Variants in IRAG2 observed in about 807,000 individuals in gnomAD.
IRAG2 encodes lymphoid restricted membrane protein.
A neutral mutation model predicts 69.9 loss-of-function variants in IRAG2; 45 were observed. The observed-to-expected ratio is 0.64, with a 90% CI of 0.51 to 0.83. The LOEUF (loss-of-function observed/expected upper bound fraction) is 0.83, where lower values mean the gene tolerates loss of function less well. IRAG2 is among the 40% of genes least tolerant of loss of function. IRAG2 has a pLI of 0.00. For synonymous variants in IRAG2, 193 were observed against 202.4 expected (o/e 0.95, Z 0.40); for missense variants, 520 against 587.0 (o/e 0.89, Z 1.18).
intron 15 of IRAG2, among the ~76,000 whole-genome samples, chr12:25,098,087 G>C (rs1948530129): frequency 6.6e-6 from 1 of 152,118 alleles, no homozygotes; most frequent in African/African-American, 2.4e-5. Context: ...GTTAAACATA[G>C]TTTTCACTAC....
Position 25,026,895 on chromosome 12 carries a change from AT to A in IRAG2, c.1461+37del, listed in dbSNP as rs535069834. ...AGCACTTCCCAAATACTGGTAAAATATTTTTTTTCTGTCAAACCAGTATTAT... is the reference window on the plus strand; with the variant it reads ...AGCACTTCCCAAATACTGGTAAAATATTTTTTTCTGTCAAACCAGTATTAT... On this transcript the variant is annotated intron_variant, in intron 9 of 38. Coordinates refer to the IRAG2 transcript ENST00000636465. The A allele has an allele frequency of 1.3e-3, 1,489 of 1,106,578 alleles. 18 individuals are homozygous for A. The African/African-American group carries it at 0.021, about 15-fold the overall frequency. The allele number at this position is 1,106,578 out of a possible 1,614,324, so 68.5% of individuals were successfully genotyped here. A position where few individuals can be genotyped will look rare whatever the true frequency, so the allele number is the denominator to read the frequency against.
intron 9 of IRAG2, among the ~76,000 whole-genome samples, chr12:25,081,775 AACAT>A (rs1246880827): frequency 4.6e-5 from 7 of 152,250 alleles, no homozygotes; most frequent in Non-Finnish European, 1.0e-4. Context: ...GCAGGCATAA[AACAT>A]AAATAAGGAG....
chr12:25,061,664 TCTGATATGTGTTCAGTTA>T lies in IRAG2; in HGVS notation c.-385+15_-385+32del, dbSNP rs1945646459. Reference sequence around the variant, plus strand: ...GGCTTGCTGTTTCAGGTAAAATATCTCTGATATGTGTTCAGTTACTGTGGAGGAAGTTGTTCAATTCAT... The same window carrying T: ...GGCTTGCTGTTTCAGGTAAAATATCTCTGTGGAGGAAGTTGTTCAATTCAT... On this transcript the variant is annotated intron_variant, in intron 2 of 21. Coordinates refer to ENST00000556887, the MANE Select transcript of IRAG2 (RefSeq NM_001366544.2). 2.5e-6 allele frequency: 1 copy of T among 398,602 alleles called. No homozygotes were observed. The highest frequency in any genetic ancestry group is 2.1e-5 in the African/African-American group (1 of 48,774). The allele number at this position is 398,602 out of a possible 1,614,324, so 24.7% of individuals were successfully genotyped here.
At chr12:25,106,735 AG>A (rs1437505512) in intron 20 of IRAG2, among the ~76,000 whole-genome samples, 1 of 91,254 alleles carries the variant, frequency 1.1e-5, no homozygotes, top group African/African-American at 3.7e-5. Flanking sequence ...TCTAAATAGA[AG>A]AACTTATTTT....
chr12:25,065,637 G>T (rs1272288588), intron 4 of IRAG2, among the ~76,000 whole-genome samples: 1 of 152,196 alleles, frequency 6.6e-6, no homozygotes, highest in Non-Finnish European at 1.5e-5. Context: ...CACACAAACA[G>T]CCATGGACAA....
intron 15 of IRAG2, among the ~76,000 whole-genome samples, chr12:25,037,572 T>G (rs927285745): frequency 1.3e-5 from 2 of 152,356 alleles, no homozygotes; most frequent in African/African-American, 4.8e-5. Context: ...GTGCTGGGAT[T>G]ACAGTCAATC....
At chr12:25,072,100 G>T (rs1946376712) in intron 6 of IRAG2, among the ~76,000 whole-genome samples, 1 of 152,184 alleles carries the variant, frequency 6.6e-6, no homozygotes, top group South Asian at 2.1e-4. Flanking sequence ...AGCTCCTTGG[G>T]AGGCTGAGGC....
intron 1 of IRAG2, among the ~76,000 whole-genome samples, chr12:25,053,821 TTAAGGTAGGCTAGAG>T: frequency 6.6e-6 from 1 of 151,256 alleles, no homozygotes; most frequent in East Asian, 1.9e-4. Flanking sequence ...ATATATAAGC[TTAAGGTAGGCTAGAG>T]ATGAAAAATT....
Position 25,107,984 on chromosome 12 carries a change from A to G in IRAG2, c.1424A>G (p.Glu475Gly). 4 of 1,614,148 alleles carry G rather than the reference A, an allele frequency of 2.5e-6. No homozygotes were observed. Among genetic ancestry groups the G allele is most frequent in the Non-Finnish European group, 3.4e-6 (4 of 1,179,976 alleles). The change falls in exon 22 of 22, where the codon GAG becomes GGG. Residue 475 changes from glutamate (E) to glycine (G), a missense_variant. Glu to Gly is a moderately conservative substitution (Grantham distance 98). Coordinates refer to ENST00000556887, the MANE Select transcript of IRAG2 (RefSeq NM_001366544.2). Reference sequence around the variant, plus strand: ...GTGGATGCCGCTCCCACACAGCAAGAGGACTCATGGACGTCTCTAGAACAT... The same window carrying G: ...GTGGATGCCGCTCCCACACAGCAAGGGGACTCATGGACGTCTCTAGAACAT... ...KSVDAAPTQQEDSWTSLEHIL... is the reference protein window; with the variant it reads ...KSVDAAPTQQGDSWTSLEHIL...
chr12:25,026,934 T>C (rs1944626564), intron 9 of IRAG2: 1 of 728,664 alleles, frequency 1.4e-6, no homozygotes, highest in Admixed American at 4.3e-5. Flanking sequence ...TATGAAAATG[T>C]CTATGCCTCA....
chr12:25,017,023 A>G (rs1944535077), intron 5 of IRAG2: 1 of 825,588 alleles, frequency 1.2e-6, no homozygotes, highest in Non-Finnish European at 1.6e-6. Context: ...AAAGTTAAAA[A>G]AAAAAAAACT....
At chr12:25,060,014 TTAA>T (rs1945517907) in intron 1 of IRAG2, among the ~76,000 whole-genome samples, 1 of 152,226 alleles carries the variant, frequency 6.6e-6, no homozygotes, top group South Asian at 2.1e-4. Flanking sequence ...GTATCTGCTG[TTAA>T]TAATTTTCCT....
chr12:25,096,881 T>C, intron 14 of IRAG2, 29 bp from the exon 15 acceptor site: 1 of 1,580,536 alleles, frequency 6.3e-7, no homozygotes, highest in Non-Finnish European at 8.6e-7. Flanking sequence ...TTGTGTTAGA[T>C]ATCTTTTAAT....
chr12:25,004,259 A>G, upstream of IRAG2: 1 of 981,156 alleles, frequency 1.0e-6, no homozygotes, highest in Non-Finnish European at 1.3e-6. Context: ...AATTATTGTT[A>G]GGAAAATACT....
At chr12:25,052,204 C>CTTT (rs10690368), upstream of IRAG2, 4,111 of 274,834 alleles carry the variant, frequency 0.015, 58 homozygotes, top group African/African-American at 0.016. Context: ...GCGGTTTGGA[C>CTTT]TTTTTTTTTT....
chr12:25,029,714 G>T (rs751327651), intron 9 of IRAG2, among the ~76,000 whole-genome samples: 21 of 151,266 alleles, frequency 1.4e-4, no homozygotes, highest in African/African-American at 4.1e-4. Context: ...AGAGTCTTGC[G>T]CTGTCACCTG....
intron 20 of IRAG2, among the ~76,000 whole-genome samples, chr12:25,105,327 C>T (rs549310856): frequency 1.3e-5 from 2 of 152,230 alleles, no homozygotes; most frequent in Non-Finnish European, 2.9e-5. Flanking sequence ...CCGCCCGCCT[C>T]GGCCTCCCAA....
At chr12:25,000,181 C>G (rs699035), upstream of IRAG2, among the ~76,000 whole-genome samples, 22,083 of 152,228 alleles carry the variant, frequency 0.15, 1,797 homozygotes, top group Non-Finnish European at 0.19. Context: ...TACATTGGCT[C>G]ACACCAGTAA....
chr12:25,077,220 AATATATATG>A (rs1220229786), intron 6 of IRAG2, among the ~76,000 whole-genome samples: 6,101 of 36,544 alleles, frequency 0.17, 1,082 homozygotes, highest in Non-Finnish European at 0.23. Flanking sequence ...ATATATATGA[AATATATATG>A]ATATATATAT....
Sources: allele counts gnomAD v4.1 joint callset (sites outside exome capture counted in the v4.1 genomes callset), GRCh38; gene constraint gnomAD v4.1.1; transcripts MANE v1.5; gene names NCBI Gene and HGNC (gene_info 2026-07-23, HGNC 2026-07-21).